The following SYN3 variants were observed in gnomAD, a reference collection of about 807,000 sequenced individuals.
The protein encoded by SYN3 is synapsin III, also known as synapsin-3.
A neutral mutation model predicts 65.8 loss-of-function variants in SYN3; 35 were observed. That is an observed-to-expected ratio of 0.53 (90% CI 0.41 to 0.70). The LOEUF is 0.70. Ranked by LOEUF, SYN3 falls within the 30% of genes least tolerant of loss-of-function variation. The pLI, the probability that SYN3 is intolerant of heterozygous loss-of-function variation, is 0.00. For missense variants in SYN3, 680 were observed against 749.0 expected, an observed-to-expected ratio of 0.91 and a Z score of 1.08; for synonymous variants, 270 against 292.9, an observed-to-expected ratio of 0.92 and a Z score of 0.80.
chr22:32,991,928 G>A (rs527554715), intron 2 of SYN3, among the ~76,000 whole-genome samples: 1 of 152,334 alleles, frequency 6.6e-6, no homozygotes, highest in South Asian at 2.1e-4. Flanking sequence ...CTTCCTAGAC[G>A]TTCTGTAATG....
intron 6 of SYN3, among the ~76,000 whole-genome samples, chr22:32,659,969 G>A (rs891591274): frequency 1.3e-5 from 2 of 152,200 alleles, no homozygotes; most frequent in Non-Finnish European, 2.9e-5. Context: ...TTACTTCCGA[G>A]AGTCTAATTT....
intron 4 of SYN3, among the ~76,000 whole-genome samples, chr22:32,876,334 T>G (rs1365302269): frequency 6.6e-6 from 1 of 152,068 alleles, no homozygotes; most frequent in Non-Finnish European, 1.5e-5. Flanking sequence ...GGCGTTAGGA[T>G]TCAACATAAA....
intron 1 of SYN3, among the ~76,000 whole-genome samples, chr22:33,021,045 T>TA (rs2053551429): frequency 6.6e-6 from 1 of 152,216 alleles, no homozygotes; most frequent in African/African-American, 2.4e-5. Context: ...GATTTTTTTT[T>TA]AGACAATGTG....
intron 6 of SYN3, among the ~76,000 whole-genome samples, chr22:32,748,748 T>C (rs1356716638): frequency 1.3e-5 from 2 of 152,128 alleles, no homozygotes; most frequent in Non-Finnish European, 1.5e-5. Flanking sequence ...AGGTAGCCCC[T>C]AGAAGGTAGA....
At chr22:32,694,385 A>G (rs980580074) in intron 6 of SYN3, among the ~76,000 whole-genome samples, 1 of 152,176 alleles carries the variant, frequency 6.6e-6, no homozygotes, top group African/African-American at 2.4e-5. Context: ...TCAGCTGTTT[A>G]GCCTTAGTTT....
chr22:32,820,436 A>G (rs905103975), intron 6 of SYN3, among the ~76,000 whole-genome samples: 2 of 151,710 alleles, frequency 1.3e-5, no homozygotes, highest in African/African-American at 4.8e-5. Context: ...ATTCCACTGC[A>G]GCACCTAGCA....
At chr22:32,946,841 C>T (rs1018950453) in intron 3 of SYN3, among the ~76,000 whole-genome samples, 2 of 152,094 alleles carry the variant, frequency 1.3e-5, no homozygotes, top group African/African-American at 4.8e-5. Flanking sequence ...TATGTCTAGA[C>T]ATCATTAAGG....
rs566080629 is a variant in SYN3, at chr22:32,977,275, C to T, written c.369+3370G>A. Reference sequence around the variant, plus strand: ...TGGGTGAGTTATTCTTAGGGCAATTCCCTGATGGTCCTGCTCATAGATTTT... The same window carrying T: ...TGGGTGAGTTATTCTTAGGGCAATTTCCTGATGGTCCTGCTCATAGATTTT... On this transcript the variant is annotated intron_variant, in intron 3 of 13. Transcript: ENST00000358763. Among the ~76,000 whole-genome samples, 6 of 152,254 alleles carry T rather than the reference C, an allele frequency of 3.9e-5. No individual in the cohort carries two copies. In the East Asian group the frequency reaches 9.7e-4, roughly 25 times the overall value.
At chr22:32,725,546 C>T (rs925830287) in intron 6 of SYN3, among the ~76,000 whole-genome samples, 7 of 152,218 alleles carry the variant, frequency 4.6e-5, no homozygotes, top group South Asian at 2.1e-4. Flanking sequence ...GCATTCTACG[C>T]GTGGGCTGAT....
chr22:32,524,882 G>A (rs536745939), intron 12 of SYN3, among the ~76,000 whole-genome samples: 1 of 152,254 alleles, frequency 6.6e-6, no homozygotes, highest in Admixed American at 6.5e-5. Flanking sequence ...GGTGGCGCGT[G>A]CCTGTAATCC....
intron 2 of SYN3, among the ~76,000 whole-genome samples, chr22:32,985,748 A>AT (rs2052507520): frequency 6.6e-6 from 1 of 151,946 alleles, no homozygotes; most frequent in Non-Finnish European, 1.5e-5. Flanking sequence ...TGTCTATTTC[A>AT]TGGTTGCATC....
intron 2 of SYN3, among the ~76,000 whole-genome samples, chr22:32,990,309 C>CATGAATCCATCCATGA (rs571883306): frequency 5.2e-5 from 5 of 95,942 alleles, no homozygotes. Context: ...TGAATCCATC[C>CATGAATCCATCCATGA]ATCCATCCAT....
rs138460042 is a variant in SYN3, at chr22:32,794,872, G to A, written c.711+70043C>T. On this transcript the variant is annotated intron_variant, in intron 6 of 13. Coordinates refer to ENST00000358763, the MANE Select transcript of SYN3 (RefSeq NM_003490.4). ...TGGCAGATGAGGTGGAGGAGGGTGG[G>A]GGAATATATTGGTGGCGGCTAGATT... 2.6e-3 allele frequency among the ~76,000 whole-genome samples: 401 copies of A among 152,294 alleles called. 1 individual carries two copies. The highest frequency in any genetic ancestry group is 9.4e-3 in the African/African-American group (389 of 41,558).
chr22:33,028,697 G>GTGGTGGTGA (rs2053690230), intron 1 of SYN3, among the ~76,000 whole-genome samples: 2 of 123,782 alleles, frequency 1.6e-5, no homozygotes, highest in Non-Finnish European at 3.6e-5. Flanking sequence ...GGTGATGGTG[G>GTGGTGGTGA]TGGTGGTGGT....
intron 7 of SYN3, among the ~76,000 whole-genome samples, chr22:32,549,228 G>T (rs913610497): frequency 6.6e-6 from 1 of 152,026 alleles, no homozygotes; most frequent in Admixed American, 6.5e-5. Flanking sequence ...AAAAAATAGG[G>T]TGCAGAATAA....
At chr22:32,847,636 G>A (rs1015547021) in intron 6 of SYN3, among the ~76,000 whole-genome samples, 4 of 152,188 alleles carry the variant, frequency 2.6e-5, no homozygotes, top group Non-Finnish European at 4.4e-5. Flanking sequence ...TCAAATAACT[G>A]GGATACATAG....
chr22:32,944,400 A>C (rs1014680824), intron 3 of SYN3, among the ~76,000 whole-genome samples: 1 of 152,222 alleles, frequency 6.6e-6, no homozygotes, highest in African/African-American at 2.4e-5. Context: ...TATGCAAATC[A>C]ATAAACGTAA....
chr22:32,544,175 C>T (rs762265961), intron 7 of SYN3, among the ~76,000 whole-genome samples: 6 of 152,276 alleles, frequency 3.9e-5, no homozygotes, highest in East Asian at 1.9e-4. Context: ...TTGGTTCAAG[C>T]GATCTTTCCG....
chr22:32,854,472 A>G (rs566989862), intron 6 of SYN3, among the ~76,000 whole-genome samples: 3 of 152,310 alleles, frequency 2.0e-5, no homozygotes, highest in South Asian at 4.1e-4. Context: ...TGAGGTTCCC[A>G]TGGGCTGGGT....
Sources: gnomAD v4.1 joint callset for allele counts (sites outside exome capture counted in the v4.1 genomes callset) on GRCh38, gnomAD v4.1.1 for gene constraint, MANE v1.5 for transcripts, NCBI Gene and HGNC (gene_info 2026-07-23, HGNC 2026-07-21) for gene names.